SLC40A1: variants seen among roughly 807,000 people sequenced by gnomAD.
The protein encoded by SLC40A1 is ferroportin.
SLC40A1 carries 16 observed loss-of-function variants against 53.5 expected under a neutral mutation model. The observed-to-expected ratio is 0.30, with a 90% CI of 0.20 to 0.45. The LOEUF (loss-of-function observed/expected upper bound fraction) is 0.45. Among genes scored for constraint, SLC40A1 ranks in the 20% least tolerant of loss-of-function variants. SLC40A1 has a pLI of 1.00. For synonymous variants in SLC40A1, 247 were observed against 253.2 expected, an observed-to-expected ratio of 0.98 and a Z score of 0.23; for missense variants, 545 against 695.4, an observed-to-expected ratio of 0.78 and a Z score of 2.43.
rs530146029 is a variant in SLC40A1, at chr2:189,572,518, A to G, written c.387+328T>C. On this transcript the variant is annotated intron_variant, in intron 4 of 7. Transcript: ENST00000261024. Reference sequence around the variant, plus strand: ...GGAGGAACGCAATTATGACTGACTAATATAGATATGGATAACATTTATTAA... The same window carrying G: ...GGAGGAACGCAATTATGACTGACTAGTATAGATATGGATAACATTTATTAA... 4.0e-5 allele frequency: 15 copies of G among 374,602 alleles called. No individual in the cohort carries two copies. In the East Asian group the frequency reaches 9.1e-4, roughly 23 times the overall value. The allele number at this position is 374,602 out of a possible 1,614,324, so 23.2% of individuals were successfully genotyped here.
intron 6 of SLC40A1, among the ~76,000 whole-genome samples, chr2:189,564,910 C>A (rs2030884290): frequency 6.6e-6 from 1 of 152,114 alleles, no homozygotes; most frequent in South Asian, 2.1e-4. Flanking sequence ...TTCTGTTTAC[C>A]CAGAAGCCCA....
chr2:189,579,733 T>A (rs1050410081), intron 2 of SLC40A1, 80 bp downstream of exon 2: 4 of 1,232,162 alleles, frequency 3.2e-6, no homozygotes, highest in Non-Finnish European at 2.4e-6. Context: ...AAACTGGAAG[T>A]TGGCTTAATA....
chr2:189,571,622 A>G, intron 5 of SLC40A1, 93 bp downstream of exon 5: 1 of 1,544,506 alleles, frequency 6.5e-7, no homozygotes, highest in Non-Finnish European at 8.8e-7. Flanking sequence ...AAATACCCAG[A>G]ACAAAAATAC....
Position 189,580,474 on chromosome 2 carries a change from C to G in SLC40A1, c.-14G>C, listed in dbSNP as rs773977347. ...CGCCCTGGTCATGACACTAGGCGAC[C>G]CCGCTGGCTCTTCTGCGGCTGCTAT... On this transcript the variant is annotated 5_prime_UTR_variant, in exon 1 of 8. Coordinates refer to ENST00000261024, the MANE Select transcript of SLC40A1 (RefSeq NM_014585.6). 21 of 1,613,112 alleles carry G rather than the reference C, an allele frequency of 1.3e-5. No individual in the cohort carries two copies. Among genetic ancestry groups the G allele is most frequent in the Non-Finnish European group, 1.8e-5 (21 of 1,180,012 alleles).
intron 2 of SLC40A1, among the ~76,000 whole-genome samples, chr2:189,576,463 T>C (rs2031287522): frequency 6.6e-6 from 1 of 152,188 alleles, no homozygotes. Context: ...TTAGCAATCA[T>C]TTACAAAAAA....
chr2:189,565,215 C>G (rs2030895332), intron 6 of SLC40A1, 139 bp downstream of exon 6: 1 of 1,098,820 alleles, frequency 9.1e-7, no homozygotes. Context: ...CTTGCCTCGT[C>G]TACCAAAGCG....
At chr2:189,571,870 A>T (rs1332222413) in intron 4 of SLC40A1, 29 bp from the exon 5 acceptor site, 1 of 1,442,222 alleles carries the variant, frequency 6.9e-7, no homozygotes, top group Non-Finnish European at 9.8e-7. Context: ...AAAATGAGTT[A>T]TAATGTCAGT....
intron 3 of SLC40A1, 151 bp downstream of exon 3, chr2:189,575,010 G>C (rs1456623758): frequency 1.2e-6 from 1 of 844,588 alleles, no homozygotes; most frequent in South Asian, 1.5e-5. Context: ...CCTCCATCCA[G>C]AGGTGGTGCC....
intron 6 of SLC40A1, 29 bp downstream of exon 6, chr2:189,565,325 A>T: frequency 3.7e-6 from 6 of 1,613,846 alleles, no homozygotes; most frequent in Non-Finnish European, 5.1e-6. Context: ...ACATGAGAAC[A>T]AAAGGAGAGA....
chr2:189,568,227 G>A (rs1249963774), intron 5 of SLC40A1, among the ~76,000 whole-genome samples: 3 of 151,534 alleles, frequency 2.0e-5, no homozygotes, highest in Non-Finnish European at 4.4e-5. Flanking sequence ...AGTGGCCCAC[G>A]CCTGTAATCC....
chr2:189,578,497 CATA>C (rs1268613382), intron 2 of SLC40A1: 7 of 349,190 alleles, frequency 2.0e-5, no homozygotes, highest in Non-Finnish European at 3.0e-5. Flanking sequence ...TCACATAAAC[CATA>C]ATCAGAACTT....
At position 189,575,276 on chromosome 2, in the gene SLC40A1, C is replaced by T; in HGVS notation, c.156G>A (p.Glu52=). The T allele has an allele frequency of 6.2e-7, 1 of 1,614,124 alleles. No homozygotes were observed. Among genetic ancestry groups the T allele is most frequent in the South Asian group, 1.1e-5 (1 of 91,084 alleles). ...TCAAAAGGAGGCTGTTTCCATAGAG[C>T]TCTACCAGAAACACAGACACCGCAA... ...WHFAVSVFLV[E]LYGNSLLLTA... The change falls in exon 3 of 8, where the codon GAG becomes GAA. Residue 52 remains glutamate, a synonymous_variant. Transcript: ENST00000261024.
intron 2 of SLC40A1, among the ~76,000 whole-genome samples, chr2:189,577,949 T>A (rs950595294): frequency 3.3e-5 from 5 of 152,092 alleles, no homozygotes; most frequent in Admixed American, 2.6e-4. Flanking sequence ...TTTGATAATA[T>A]AGAGTAAAAT....
intron 2 of SLC40A1, 126 bp downstream of exon 2, chr2:189,579,687 T>C (rs1183342384): frequency 2.4e-6 from 2 of 825,796 alleles, no homozygotes; most frequent in Non-Finnish European, 4.2e-6. Flanking sequence ...TTAAAGCATG[T>C]GTACTTGGAT....
Position 189,564,038 on chromosome 2 carries a change from G to A in SLC40A1, c.948C>T (p.Phe316=). ...PVFLAGMGLA[F]LYMTVLGFDC... is the part of the protein sequence containing the mutation. The stretch of plus-strand genomic sequence containing the variant: ...CAAAGCCCAGGACAGTCATATAAAG[G>A]AAAGCAAGACCCATGCCAGCCAGAA... The change falls in exon 7 of 8, where the codon TTC becomes TTT. Residue 316 remains phenylalanine (F), a synonymous_variant. Transcript: ENST00000261024. 1 of 1,613,738 alleles carries A rather than the reference G, an allele frequency of 6.2e-7. No homozygotes were observed. The highest frequency in any genetic ancestry group is 8.5e-7 in the Non-Finnish European group (1 of 1,179,694).
rs3833570 is a variant in SLC40A1 at position 189,580,769 on chromosome 2, T to TCCGCCGCCGCCG, written c.-321_-310dup. 72 of 1,208,648 alleles carry TCCGCCGCCGCCG rather than the reference T, an allele frequency of 6.0e-5. No individual in the cohort carries two copies. The highest frequency in any genetic ancestry group is 2.0e-4 in the East Asian group (4 of 20,128). 74.9% of individuals were successfully genotyped at this position (1,208,648 alleles called of 1,614,324 possible). ...TAGCGGACGCCCTGAGCCAGCTCTCTCCGCCGCCGCCGCCGCCGCCGTGGG... is the reference window on the plus strand; with the variant it reads ...TAGCGGACGCCCTGAGCCAGCTCTCTCCGCCGCCGCCGCCGCCGCCGCCGCCGCCGCCGTGGG... On this transcript the variant is annotated 5_prime_UTR_variant, in exon 1 of 8. Transcript: ENST00000261024.
At chr2:189,578,071 A>G (rs983540198) in intron 2 of SLC40A1, 3 of 468,756 alleles carry the variant, frequency 6.4e-6, no homozygotes, top group African/African-American at 6.4e-5. Context: ...TCAGTGCATA[A>G]GAAATCATGA....
intron 5 of SLC40A1, among the ~76,000 whole-genome samples, chr2:189,569,134 A>G (rs1247251061): frequency 1.3e-5 from 2 of 152,260 alleles, no homozygotes; most frequent in Non-Finnish European, 2.9e-5. Context: ...TGAAATTCTA[A>G]AACTTTTTAA....
intron 5 of SLC40A1, among the ~76,000 whole-genome samples, chr2:189,567,650 G>A (rs1049566070): frequency 2.0e-5 from 3 of 152,142 alleles, no homozygotes; most frequent in South Asian, 4.1e-4. Flanking sequence ...AATACGTGAC[G>A]AAGAAGTACA....
Sources: allele counts gnomAD v4.1 joint callset (sites outside exome capture counted in the v4.1 genomes callset), GRCh38; gene constraint gnomAD v4.1.1; transcripts MANE v1.5; gene names NCBI Gene and HGNC (gene_info 2026-07-23, HGNC 2026-07-21).